DSC1: variants seen among roughly 807,000 people sequenced by gnomAD.
The protein encoded by DSC1 is desmocollin-1.
In DSC1, 79 loss-of-function variants were observed where a neutral mutation model predicts 98.8. That is an observed-to-expected ratio of 0.80 (90% CI 0.67 to 0.96). The LOEUF (loss-of-function observed/expected upper bound fraction) is 0.96, where lower values mean the gene tolerates loss of function less well. DSC1 is among the 50% of genes least tolerant of loss of function. DSC1 has a pLI of 0.00. For missense variants in DSC1, 1,115 were observed against 1,075.9 expected (o/e 1.04, Z -0.51); for synonymous variants, 405 against 372.1 (o/e 1.09, Z -1.02).
chr18:31,137,148 A>G (rs549514216), intron 11 of DSC1, among the ~76,000 whole-genome samples: 74 of 152,306 alleles, frequency 4.9e-4, no homozygotes, highest in Non-Finnish European at 6.5e-4. Flanking sequence ...AGCCTACTCT[A>G]TAAATTTTAA....
At chr18:31,134,905 T>C in intron 11 of DSC1, 121 bp from the exon 12 acceptor site, 1 of 884,454 alleles carries the variant, frequency 1.1e-6, no homozygotes. Context: ...TTCGCATACA[T>C]GCTTCCCAGA....
chr18:31,154,532 CA>C (rs1989057183), intron 5 of DSC1, among the ~76,000 whole-genome samples: 1 of 151,936 alleles, frequency 6.6e-6, no homozygotes, highest in Non-Finnish European at 1.5e-5. Context: ...GATTACAGAC[CA>C]AAATATATCC....
intron 14 of DSC1, chr18:31,132,241 G>A (rs898391642): frequency 5.8e-6 from 2 of 343,276 alleles, no homozygotes; most frequent in Admixed American, 4.5e-5. Flanking sequence ...GGAATTGGCA[G>A]AAGCTAGGAG....
chr18:31,143,895 T>A, intron 7 of DSC1, 104 bp from the exon 8 acceptor site: 1 of 851,542 alleles, frequency 1.2e-6, no homozygotes, highest in Non-Finnish European at 1.6e-6. Context: ...AATATTCTTT[T>A]TTACTTTTTC....
In DSC1 at chr18:31,143,818, A is replaced by T. The variant is rs772644329; in HGVS notation, c.940-27T>A. The T allele has an allele frequency of 3.7e-5, 57 of 1,529,248 alleles. No homozygotes were observed. In the Admixed American group the frequency reaches 1.1e-3, roughly 31 times the overall value. The allele number at this position is 1,529,248 out of a possible 1,614,324, so 94.7% of individuals were successfully genotyped here. A position where few individuals can be genotyped will look rare whatever the true frequency, so the allele number is the denominator to read the frequency against. On this transcript the variant is annotated intron_variant, in intron 7 of 15. Coordinates refer to ENST00000257198, the MANE Select transcript of DSC1 (RefSeq NM_024421.2). ...TGAAAAAAAGGAAAAAACTACATTA[A>T]TGAACACTTTTATTTCCTATAACTT...
Position 31,141,980 on chromosome 18 carries a change from G to A in DSC1, c.1260+19C>T, listed in dbSNP as rs766091330. 6.3e-7 allele frequency: 1 copy of A among 1,588,140 alleles called. No individual in the cohort carries two copies. Among genetic ancestry groups the A allele is most frequent in the Non-Finnish European group, 8.5e-7 (1 of 1,171,874 alleles). ...GTTAGGATATTTTAAAGCATAGCCT[G>A]ATTATTTTATTTGTTTACCTTGACA... On this transcript the variant is annotated intron_variant, in intron 9 of 15. Transcript: ENST00000257198.
intron 9 of DSC1, among the ~76,000 whole-genome samples, chr18:31,140,940 C>T (rs946623461): frequency 1.3e-5 from 2 of 152,106 alleles, no homozygotes; most frequent in Non-Finnish European, 2.9e-5. Context: ...GTGCTATTCT[C>T]GTGATAGTGA....
At chr18:31,153,399 GCTTA>G (rs1401669883) in intron 5 of DSC1, among the ~76,000 whole-genome samples, 1 of 152,140 alleles carries the variant, frequency 6.6e-6, no homozygotes, top group Non-Finnish European at 1.5e-5. Context: ...ATGGTGCTTA[GCTTA>G]CTTCTCCTGT....
intron 3 of DSC1, among the ~76,000 whole-genome samples, chr18:31,157,007 G>A (rs999204635): frequency 4.6e-5 from 7 of 152,132 alleles, no homozygotes; most frequent in East Asian, 3.9e-4. Flanking sequence ...GAAGAGAGCC[G>A]CACAGGGTGG....
Position 31,131,957 on chromosome 18 carries a change from T to C in DSC1, c.2239-115A>G, listed in dbSNP as rs921360212. On this transcript the variant is annotated intron_variant, in intron 14 of 15. Transcript: ENST00000257198. ...GCCTGCTGTGCCTCTCTGTTCCTCA[T>C]ACATAAAATCAGAATAATAGTATCA... The C allele has an allele frequency of 1.5e-5, 18 of 1,225,286 alleles. No individual in the cohort carries two copies. The East Asian group carries it at 3.3e-4, about 22-fold the overall frequency. The allele number at this position is 1,225,286 out of a possible 1,614,324, so 75.9% of individuals were successfully genotyped here. A position where few individuals can be genotyped will look rare whatever the true frequency, so the allele number is the denominator to read the frequency against.
intron 5 of DSC1, 41 bp downstream of exon 5, chr18:31,154,733 A>G: frequency 6.7e-7 from 1 of 1,491,286 alleles, no homozygotes; most frequent in Non-Finnish European, 9.0e-7. Flanking sequence ...GTAAGCCAGT[A>G]ATAAAGATAT....
intron 1 of DSC1, among the ~76,000 whole-genome samples, 168 bp from the exon 2 acceptor site, chr18:31,159,697 C>T (rs1989175930): frequency 6.6e-6 from 1 of 151,928 alleles, no homozygotes; most frequent in Non-Finnish European, 1.5e-5. Context: ...AAGAGAATAG[C>T]TTTAGGAATA....
chr18:31,154,660 C>T (rs990332413), intron 5 of DSC1, 114 bp downstream of exon 5: 11 of 993,750 alleles, frequency 1.1e-5, no homozygotes, highest in Admixed American at 3.2e-5. Flanking sequence ...ATATTAATAT[C>T]TTGAATATTA....
At chr18:31,141,935 C>G in intron 9 of DSC1, 64 bp downstream of exon 9, 1 of 1,469,704 alleles carries the variant, frequency 6.8e-7, no homozygotes, top group Non-Finnish European at 9.1e-7. Context: ...TAAGAATTAT[C>G]TCTTAAAATC....
At chr18:31,141,978 C>T (rs1467073485) in intron 9 of DSC1, 21 bp downstream of exon 9, 1 of 1,586,728 alleles carries the variant, frequency 6.3e-7, no homozygotes, top group African/African-American at 1.4e-5. Context: ...AAAGCATAGC[C>T]TGATTATTTT....
chr18:31,150,348 C>G (rs368487768), intron 5 of DSC1, among the ~76,000 whole-genome samples: 22 of 8,252 alleles, frequency 2.7e-3, no homozygotes, highest in South Asian at 0.01. Context: ...ACCATCACCA[C>G]CACCACCACC....
chr18:31,150,616 C>T (rs1988983651), intron 5 of DSC1, among the ~76,000 whole-genome samples: 1 of 152,014 alleles, frequency 6.6e-6, no homozygotes, highest in African/African-American at 2.4e-5. Context: ...AGCACCACTA[C>T]CACTGTCACA....
intron 1 of DSC1, among the ~76,000 whole-genome samples, chr18:31,161,574 T>C (rs1989210317): frequency 6.6e-6 from 1 of 152,106 alleles, no homozygotes; most frequent in Non-Finnish European, 1.5e-5. Context: ...GACACCCTTT[T>C]AGTCAGTTTC....
Position 31,134,647 on chromosome 18 carries a change from G to A in DSC1, c.1801C>T (p.Pro601Ser), listed in dbSNP as rs752165775. 1 of 1,612,776 alleles carries A rather than the reference G, an allele frequency of 6.2e-7. No individual in the cohort carries two copies. Among genetic ancestry groups the A allele is most frequent in the Non-Finnish European group, 8.5e-7 (1 of 1,179,374 alleles). ...AATTGAAAAGGTGGTCCATTTTCAG[G>A]TCCATCTGGATCTACAGGTTTCAGA... is the stretch of plus-strand genomic sequence containing the variant. ...AVLKPVDPDGPENGPPFQFFL... is the reference protein window; with the variant it reads ...AVLKPVDPDGSENGPPFQFFL... Residue 601 changes from proline to serine, a missense_variant, in exon 12 of 16, where the codon CCT becomes TCT. Pro to Ser is a moderately conservative substitution (Grantham distance 74). Coordinates refer to ENST00000257198, the MANE Select transcript of DSC1 (RefSeq NM_024421.2).
Sources: gnomAD v4.1 joint callset for allele counts (sites outside exome capture counted in the v4.1 genomes callset) on GRCh38, gnomAD v4.1.1 for gene constraint, MANE v1.5 for transcripts, NCBI Gene and HGNC (gene_info 2026-07-23, HGNC 2026-07-21) for gene names.